Variants in KLHL26 observed in about 807,000 individuals in gnomAD.
The protein encoded by KLHL26 is kelch like family member 26, also known as kelch-like protein 26.
Under a neutral mutation model 7.1 loss-of-function variants are expected in KLHL26, and 4 were observed. The observed-to-expected ratio is 0.56, with a 90% CI of 0.28 to 1.28. KLHL26 has a LOEUF of 1.28. Ranked by LOEUF, KLHL26 falls within the 50% of genes most tolerant of loss-of-function variation. KLHL26 has a pLI of 0.11. For missense variants in KLHL26, 896 were observed against 924.6 expected (o/e 0.97, Z 0.40); for synonymous variants, 465 against 414.1 (o/e 1.12, Z -1.49).
chr19:18,642,052 G>T (rs1469168375), intron 1 of KLHL26, among the ~76,000 whole-genome samples: 5 of 152,186 alleles, frequency 3.3e-5, no homozygotes, highest in Admixed American at 3.3e-4. Flanking sequence ...CCCTAATGTG[G>T]CAAGATGGAG....
Position 18,670,355 on chromosome 19 carries a change from T to C in KLHL26, c.*1110T>C, listed in dbSNP as rs2052515326. ...ATGGGATTTGTACTCTTGGGGCAAC[T>C]TAAAGTGTCTCTCTCGCTGCTAACA... On this transcript the variant is annotated 3_prime_UTR_variant, in exon 3 of 3. Transcript: ENST00000300976. The C allele has an allele frequency of 6.7e-6, 1 of 149,482 alleles. No homozygotes were observed. Among genetic ancestry groups the C allele is most frequent in the Non-Finnish European group, 1.5e-5 (1 of 66,694 alleles). The allele number at this position is 149,482 out of a possible 1,614,324, so 9.3% of individuals were successfully genotyped here.
Position 18,667,732 on chromosome 19 carries a change from G to T in KLHL26, c.335G>T (p.Arg112Leu), listed in dbSNP as rs747864959. ...ATCGAGCTGAAGGGCGTGTCGGCCC[G>T]TGGCCTGCGGCACATCATCGACTTC... Reference protein sequence around the residue: ...DVIELKGVSARGLRHIIDFAY... With the variant: ...DVIELKGVSALGLRHIIDFAY... Residue 112 changes from arginine to leucine, a missense_variant, in exon 3 of 3, where the codon CGT (arginine) becomes CTT (leucine). By Grantham distance (102) the Arg-to-Leu change is moderately radical. Coordinates refer to ENST00000300976, the MANE Select transcript of KLHL26 (RefSeq NM_018316.3). The T allele has an allele frequency of 4.3e-6, 7 of 1,613,208 alleles. No individual in the cohort carries two copies. The highest frequency in any genetic ancestry group is 5.9e-6 in the Non-Finnish European group (7 of 1,180,002).
chr19:18,658,607 C>T (rs367963564), intron 1 of KLHL26, among the ~76,000 whole-genome samples: 21 of 148,002 alleles, frequency 1.4e-4, no homozygotes, highest in East Asian at 1.2e-3. Context: ...CTCTGTCTCC[C>T]TCTCTCCCTG....
Position 18,668,610 on chromosome 19 carries a change from C to A in KLHL26, c.1213C>A (p.Gln405Lys). Residue 405 changes from glutamine to lysine, a missense_variant, in exon 3 of 3, where the codon CAG becomes AAG. By Grantham distance (53) the Gln-to-Lys change is moderately conservative (BLOSUM62 1). Transcript: ENST00000300976. The part of the protein sequence containing the change: ...RLQAMQESRI[Q>K]FQLNVLCGMV... ...GCAGGCCATGCAGGAAAGCCGCATCCAGTTCCAGCTGAACGTGCTGTGCGG... is the reference window on the plus strand; with the variant it reads ...GCAGGCCATGCAGGAAAGCCGCATCAAGTTCCAGCTGAACGTGCTGTGCGG... 6.3e-7 allele frequency: 1 copy of A among 1,587,242 alleles called. No homozygotes were observed. Among genetic ancestry groups the A allele is most frequent in the East Asian group, 2.3e-5 (1 of 44,172 alleles).
At chr19:18,647,678 A>C (rs533145523) in intron 1 of KLHL26, among the ~76,000 whole-genome samples, 2 of 151,432 alleles carry the variant, frequency 1.3e-5, no homozygotes, top group South Asian at 4.2e-4. Context: ...AAAGAACAGG[A>C]GAATGGGGAG....
chr19:18,665,710 G>A (rs906041139), intron 2 of KLHL26, among the ~76,000 whole-genome samples: 8 of 152,198 alleles, frequency 5.3e-5, no homozygotes, highest in African/African-American at 1.9e-4. Context: ...TGTGGGGTGG[G>A]GGGTGCTTTC....
chr19:18,655,436 C>T (rs2052320174), intron 1 of KLHL26, among the ~76,000 whole-genome samples: 1 of 152,224 alleles, frequency 6.6e-6, no homozygotes, highest in Non-Finnish European at 1.5e-5. Flanking sequence ...GGAAGGCCTC[C>T]TTTGGCCAAG....
intron 1 of KLHL26, among the ~76,000 whole-genome samples, chr19:18,641,895 G>A (rs1326891379): frequency 6.6e-6 from 1 of 152,216 alleles, no homozygotes; most frequent in African/African-American, 2.4e-5. Flanking sequence ...CCAAAGTGCT[G>A]GGATTACGGC....
rs1036408617 is a variant in KLHL26, at chr19:18,650,196, G to A, written c.83+13059G>A. ...GTCAAAGACGGACCCGGGCGGGAGC[G>A]GTCTGGGCTGGATATCCGGAGAGTT... On this transcript the variant is annotated intron_variant, in intron 1 of 2. Transcript: ENST00000300976. This position sits in a 1 kb window ranked among gnomAD's most constrained non-coding sequence, Gnocchi z 4.2. Among the ~76,000 whole-genome samples, 1 of 151,814 alleles carries A rather than the reference G, an allele frequency of 6.6e-6. No homozygotes were observed. Among genetic ancestry groups the A allele is most frequent in the East Asian group, 1.9e-4 (1 of 5,190 alleles).
At chr19:18,644,993 A>G (rs1976777058) in intron 1 of KLHL26, among the ~76,000 whole-genome samples, 1 of 152,148 alleles carries the variant, frequency 6.6e-6, no homozygotes, top group South Asian at 2.1e-4. Flanking sequence ...CGAGGGGGAA[A>G]AAAGAAAGAG....
At chr19:18,643,503 A>G (rs995950832) in intron 1 of KLHL26, among the ~76,000 whole-genome samples, 1 of 151,040 alleles carries the variant, frequency 6.6e-6, no homozygotes, top group African/African-American at 2.4e-5. Context: ...TTTGAGATAG[A>G]GTTTTGCTCT....
At position 18,668,080 on chromosome 19, in the gene KLHL26, G is replaced by T. The variant is rs148044384; in HGVS notation, c.683G>T (p.Arg228Leu). ...AGCTGTGCCGAGATCGACCTGTTCC[G>T]CGCGGCCGTCCGCTGGCTGCAGCAT... ...LQSCAEIDLFRAAVRWLQHDP... is the reference protein window; with the variant it reads ...LQSCAEIDLFLAAVRWLQHDP... The change falls in exon 3 of 3, where the codon CGC becomes CTC. Residue 228 changes from arginine to leucine, a missense_variant. Transcript: ENST00000300976. The T allele has an allele frequency of 4.8e-5, 77 of 1,605,600 alleles. No homozygotes were observed. The highest frequency in any genetic ancestry group is 6.3e-5 in the Non-Finnish European group (74 of 1,179,862).
At position 18,668,120 on chromosome 19, in the gene KLHL26, G is replaced by A. The variant is rs575828492; in HGVS notation, c.723G>A (p.Arg241=). 1.3e-6 allele frequency: 2 copies of A among 1,599,220 alleles called. No individual in the cohort carries two copies. The highest frequency in any genetic ancestry group is 2.2e-5 in the South Asian group (2 of 90,884). Residue 241 remains arginine (R), a synonymous_variant, in exon 3 of 3, where the codon CGG becomes CGA. Transcript: ENST00000300976. ...VRWLQHDPAR[R]PRASHVLCHI... ...GGCTGCAGCATGACCCGGCCCGGCG[G>A]CCGCGCGCCAGCCACGTGCTCTGCC...
chr19:18,659,016 T>A (rs982122406), intron 1 of KLHL26, among the ~76,000 whole-genome samples: 4 of 152,008 alleles, frequency 2.6e-5, no homozygotes, highest in Admixed American at 6.6e-5. Context: ...TTTCTCTGCG[T>A]CCCTGTTCCC....
chr19:18,657,845 G>A (rs1490944891), intron 1 of KLHL26, among the ~76,000 whole-genome samples: 3 of 152,222 alleles, frequency 2.0e-5, no homozygotes, highest in Admixed American at 6.5e-5. Context: ...GGCCTCAGGG[G>A]CCTCTGAGCT....
In KLHL26 at chr19:18,656,432, T is replaced by TGGG. The variant is rs61417516; in HGVS notation, c.84-7827_84-7826insGGG. 0.71 allele frequency among the ~76,000 whole-genome samples: 107,463 copies of TGGG among 151,712 alleles called. 39,162 individuals are homozygous for TGGG. Among genetic ancestry groups the TGGG allele is most frequent in the African/African-American group, 0.9 (37,341 of 41,420 alleles). ...AGCCTTGGCGTCCCTGGCCGTCACT[T>TGGG]GGCTGTCTGGGGGTGCCAGCCCTGG... On this transcript the variant is annotated intron_variant, in intron 1 of 2. Transcript: ENST00000300976. The surrounding 1 kb of genome is among the most constrained non-coding windows in gnomAD (Gnocchi z 4.4).
chr19:18,642,338 AGTGTGTGTGTGTGT>A (rs1204260630), intron 1 of KLHL26, among the ~76,000 whole-genome samples: 21 of 123,886 alleles, frequency 1.7e-4, no homozygotes, highest in East Asian at 5.0e-4. Context: ...CTAGTCACCT[AGTGTGTGTGTGTGT>A]GTGTGTGTGT....
rs373553511 is a variant in KLHL26, at chr19:18,668,310, C to T, written c.913C>T (p.Arg305Cys). Residue 305 changes from arginine to cysteine, a missense_variant, in exon 3 of 3, where the codon CGC becomes TGC. Coordinates refer to ENST00000300976, the MANE Select transcript of KLHL26 (RefSeq NM_018316.3). ...GATGCAGTCTCCGCGCACCGCCGTG[C>T]GCTCGGATGTGCCCTCGCTCGTCAC... ...HEMQSPRTAV[R>C]SDVPSLVTFG... is the part of the protein sequence containing the mutation. 4.6e-5 allele frequency: 74 copies of T among 1,611,026 alleles called. No homozygotes were observed. The highest frequency in any genetic ancestry group is 5.7e-5 in the Non-Finnish European group (67 of 1,179,794).
At chr19:18,667,366 T>G in intron 2 of KLHL26, 1 of 462,046 alleles carries the variant, frequency 2.2e-6, no homozygotes, top group Admixed American at 3.4e-5. Context: ...GTTTGTTTGT[T>G]TGTTTTTGTG....
Sources: gnomAD v4.1 joint callset for allele counts (sites outside exome capture counted in the v4.1 genomes callset) on GRCh38, gnomAD v4.1.1 for gene constraint, Gnocchi (gnomAD v3.1) non-coding constraint, MANE v1.5 for transcripts, NCBI Gene and HGNC (gene_info 2026-07-23, HGNC 2026-07-21) for gene names.